The following CALN1 variants were observed in gnomAD, a reference collection of about 807,000 sequenced individuals.
The protein encoded by CALN1 is calneuron 1.
A neutral mutation model predicts 30.6 loss-of-function variants in CALN1; 17 were observed. That is an observed-to-expected ratio of 0.56 (90% confidence interval 0.38 to 0.83). The LOEUF is 0.83. Ranked by LOEUF, CALN1 falls within the 40% of genes least tolerant of loss-of-function variation. CALN1 has a pLI of 0.00. For missense variants in CALN1, 291 were observed against 354.9 expected, an observed-to-expected ratio of 0.82 and a Z score of 1.45; for synonymous variants, 156 against 131.4, an observed-to-expected ratio of 1.19 and a Z score of -1.28.
intron 5 of CALN1, among the ~76,000 whole-genome samples, chr7:71,832,332 A>G (rs1398075000): frequency 1.3e-5 from 2 of 152,220 alleles, no homozygotes; most frequent in Non-Finnish European, 2.9e-5. Flanking sequence ...TAGAGAAGAA[A>G]GCCATTTCTG....
intron 4 of CALN1, among the ~76,000 whole-genome samples, chr7:72,088,570 G>A (rs770313821): frequency 4.6e-5 from 7 of 151,776 alleles, no homozygotes; most frequent in Non-Finnish European, 7.4e-5. Context: ...ATGGTGACGC[G>A]TGCCTGTAAT....
At chr7:71,869,829 G>C (rs1791816022) in intron 5 of CALN1, among the ~76,000 whole-genome samples, 1 of 152,150 alleles carries the variant, frequency 6.6e-6, no homozygotes, top group Non-Finnish European at 1.5e-5. Flanking sequence ...CCCCAGAAAG[G>C]TGAGTGAAAC....
At chr7:71,916,341 C>T (rs1423481776) in intron 5 of CALN1, among the ~76,000 whole-genome samples, 1 of 151,582 alleles carries the variant, frequency 6.6e-6, no homozygotes, top group Admixed American at 6.6e-5. Context: ...TCGCCTGAAA[C>T]CAAGCAGAGG....
rs536615362 is a variant in CALN1, at chr7:72,376,208, ATACAAGTAT to A, written c.119+27034_119+27042del. Among the ~76,000 whole-genome samples the A allele has an allele frequency of 1.5e-4, 23 of 152,320 alleles. No individual in the cohort carries two copies. The East Asian group carries it at 2.5e-3, about 17-fold the overall frequency. ...CAATAATTCTGCTACAAGCATTTAT[ATACAAGTAT>A]TTGTGTGAACATGTGTTTTCAATTC... On this transcript the variant is annotated intron_variant, in intron 2 of 6. Transcript: ENST00000395275.
intron 4 of CALN1, among the ~76,000 whole-genome samples, chr7:72,040,444 C>T (rs1161331808): frequency 6.6e-6 from 1 of 152,074 alleles, no homozygotes; most frequent in East Asian, 1.9e-4. Flanking sequence ...ATGATCATGC[C>T]ACTGCACCCC....
At chr7:71,829,623 G>A (rs1789140569) in intron 5 of CALN1, among the ~76,000 whole-genome samples, 1 of 152,136 alleles carries the variant, frequency 6.6e-6, no homozygotes, top group African/African-American at 2.4e-5. Flanking sequence ...TGCTAGTGGC[G>A]GCCACACAGC....
At chr7:72,140,348 G>A (rs1163270783) in intron 3 of CALN1, among the ~76,000 whole-genome samples, 4 of 52,078 alleles carry the variant, frequency 7.7e-5, no homozygotes, top group African/African-American at 7.3e-4. Context: ...GGAAGGGAGG[G>A]AGGGAGGGAG....
At chr7:72,231,753 C>A (rs914539789) in intron 3 of CALN1, among the ~76,000 whole-genome samples, 4 of 152,200 alleles carry the variant, frequency 2.6e-5, no homozygotes, top group African/African-American at 9.7e-5. Flanking sequence ...CAGGCATCCA[C>A]TGGGGGTCTT....
upstream of CALN1, among the ~76,000 whole-genome samples, chr7:72,451,348 AG>A (rs201539430): frequency 6.1e-3 from 842 of 137,172 alleles, 7 homozygotes; most frequent in African/African-American, 0.022. Flanking sequence ...AGGAGGGAGA[AG>A]AAGAGAAAAA....
chr7:72,322,994 G>T (rs1292371500), intron 2 of CALN1, among the ~76,000 whole-genome samples: 1 of 144,074 alleles, frequency 6.9e-6, no homozygotes, highest in Admixed American at 7.0e-5. Flanking sequence ...ACAGAAAAAG[G>T]ACAGGGGAGG....
chr7:72,251,945 A>C (rs1795591445), intron 3 of CALN1, among the ~76,000 whole-genome samples: 1 of 152,204 alleles, frequency 6.6e-6, no homozygotes, highest in African/African-American at 2.4e-5. Flanking sequence ...AATTTTAAAA[A>C]TATAGATTAA....
intron 5 of CALN1, among the ~76,000 whole-genome samples, chr7:71,896,502 G>T (rs980504027): frequency 6.6e-6 from 1 of 152,070 alleles, no homozygotes. Flanking sequence ...AAATACTTGC[G>T]AAAGAACAAA....
chr7:72,241,872 C>T lies in CALN1; in HGVS notation c.244+36814G>A, dbSNP rs528448294. Among the ~76,000 whole-genome samples the T allele has an allele frequency of 2.0e-5, 3 of 152,062 alleles. No individual in the cohort carries two copies. In the South Asian group the frequency reaches 6.2e-4, roughly 32 times the overall value. On this transcript the variant is annotated intron_variant, in intron 3 of 6. Coordinates refer to ENST00000395275, the MANE Select transcript of CALN1 (RefSeq NM_031468.4). ...GGATGAAAGTTTACGCATTTAAAAT[C>T]CCTCTCTCTCTCTTTTTAGTCATTT... is the stretch of plus-strand genomic sequence containing the variant.
chr7:72,451,165 A>G (rs1018656531), upstream of CALN1, among the ~76,000 whole-genome samples: 2 of 147,236 alleles, frequency 1.4e-5, no homozygotes, highest in Non-Finnish European at 3.0e-5. Flanking sequence ...AAGGAGAAGG[A>G]GGAGGAGGAG....
intron 1 of CALN1, among the ~76,000 whole-genome samples, chr7:72,436,542 G>A (rs1562968151): frequency 6.6e-6 from 1 of 152,132 alleles, no homozygotes; most frequent in Admixed American, 6.6e-5. Flanking sequence ...AAGTCTCTTG[G>A]TGACTAGGAG....
At chr7:71,972,245 G>A (rs1162908687) in intron 5 of CALN1, among the ~76,000 whole-genome samples, 26 of 152,054 alleles carry the variant, frequency 1.7e-4, no homozygotes, top group African/African-American at 4.8e-5. Flanking sequence ...CATTCAATTC[G>A]TTCTGAACAC....
At chr7:72,148,444 A>C (rs938011005) in intron 3 of CALN1, among the ~76,000 whole-genome samples, 2 of 151,730 alleles carry the variant, frequency 1.3e-5, no homozygotes, top group South Asian at 4.2e-4. Context: ...AAAGAAAAAA[A>C]GAAAAAAAAA....
intron 5 of CALN1, among the ~76,000 whole-genome samples, chr7:71,992,648 G>A (rs529626133): frequency 1.4e-4 from 21 of 152,260 alleles, no homozygotes; most frequent in African/African-American, 5.1e-4. Flanking sequence ...GTAAGCCATC[G>A]CACCCAGCAA....
chr7:71,945,037 T>C (rs1277339107), intron 5 of CALN1, among the ~76,000 whole-genome samples: 1 of 152,156 alleles, frequency 6.6e-6, no homozygotes, highest in African/African-American at 2.4e-5. Context: ...TAGGGGCGGA[T>C]CCCTCATGAA....
Sources: gnomAD v4.1 joint callset for allele counts (sites outside exome capture counted in the v4.1 genomes callset) on GRCh38, gnomAD v4.1.1 for gene constraint, MANE v1.5 for transcripts, NCBI Gene and HGNC (gene_info 2026-07-23, HGNC 2026-07-21) for gene names.